The following COL4A5 variants were observed in gnomAD, a reference collection of about 807,000 sequenced individuals.
The protein encoded by COL4A5 is collagen alpha-5(IV) chain.
In COL4A5, 26 loss-of-function variants were observed where a neutral mutation model predicts 130.2. The ratio of observed to expected loss-of-function variants is 0.20; its 90% confidence interval spans 0.15 to 0.28. COL4A5 has a LOEUF of 0.28. Ranked by LOEUF, COL4A5 falls within the 10% of genes least tolerant of loss-of-function variation. The pLI is 1.00. For synonymous variants in COL4A5, 496 were observed against 439.6 expected (o/e 1.13, Z -1.60); for missense variants, 1,131 against 1,344.3 (o/e 0.84, Z 2.48).
intron 1 of COL4A5, among the ~76,000 whole-genome samples, chrX:108,454,091 T>G (rs191549356): frequency 8.9e-6 from 1 of 112,264 alleles, no homozygotes; most frequent in East Asian, 2.8e-4. Context: ...ACTGGTTTCT[T>G]CTATATAGTT....
intron 1 of COL4A5, among the ~76,000 whole-genome samples, chrX:108,490,816 A>G (rs1364016380): frequency 1.8e-5 from 2 of 110,251 alleles, no homozygotes; most frequent in African/African-American, 3.3e-5. Context: ...TCTGTTCTCA[A>G]GTAGACCCCA....
chrX:108,628,921 C>T (rs1008402873), intron 36 of COL4A5, among the ~76,000 whole-genome samples: 1 of 111,465 alleles, frequency 9.0e-6, no homozygotes, highest in Non-Finnish European at 1.9e-5. Context: ...ATACAATAAA[C>T]AAAATAAATA....
intron 2 of COL4A5, among the ~76,000 whole-genome samples, chrX:108,549,207 T>A (rs1258456479): frequency 1.8e-5 from 2 of 111,875 alleles, no homozygotes; most frequent in Non-Finnish European, 3.8e-5. Context: ...ACAATCATGG[T>A]TGTGATTCTA....
chrX:108,586,786 T>A, intron 19 of COL4A5, 39 bp downstream of exon 19: 1 of 1,174,297 alleles, frequency 8.5e-7, no homozygotes, highest in Non-Finnish European at 1.2e-6. Context: ...TCTTATAGCA[T>A]CCTTACTAAT....
At chrX:108,560,861 G>A (rs778041661) in intron 3 of COL4A5, among the ~76,000 whole-genome samples, 1 of 111,673 alleles carries the variant, frequency 9.0e-6, no homozygotes, top group African/African-American at 3.3e-5. Context: ...GTACTTGAGT[G>A]GAATTGAAAA....
At chrX:108,528,158 G>T (rs1348393539) in intron 1 of COL4A5, among the ~76,000 whole-genome samples, 1 of 111,926 alleles carries the variant, frequency 8.9e-6, no homozygotes, top group African/African-American at 3.2e-5. Context: ...TGCCACCACC[G>T]CAGCCTTAAG....
intron 25 of COL4A5, 78 bp from the exon 26 acceptor site, chrX:108,601,314 CT>C: frequency 1.5e-6 from 1 of 656,307 alleles, no homozygotes; most frequent in South Asian, 2.6e-5. Flanking sequence ...TGATAATTTT[CT>C]TTTTTGTTTT....
chrX:108,582,007 A>G (rs979268083), intron 16 of COL4A5, among the ~76,000 whole-genome samples: 6 of 110,701 alleles, frequency 5.4e-5, no homozygotes, highest in Non-Finnish European at 1.1e-4. Context: ...TTCAGTATCA[A>G]GAGTATCCGC....
At chrX:108,563,250 CAG>C (rs1213066071) in intron 3 of COL4A5, among the ~76,000 whole-genome samples, 1 of 111,101 alleles carries the variant, frequency 9.0e-6, no homozygotes, top group East Asian at 2.8e-4. Context: ...AACGAAAACT[CAG>C]TGAGGTAAGA....
At chrX:108,677,172 G>A (rs1025355641) in intron 43 of COL4A5, 1 of 119,110 alleles carries the variant, frequency 8.4e-6, no homozygotes, top group Non-Finnish European at 1.7e-5. Context: ...TACAGTTTCT[G>A]TTTAATTTAA....
chrX:108,665,502 T>C lies in COL4A5; in HGVS notation c.3374-5T>C, dbSNP rs1172867384. The C allele has an allele frequency of 1.7e-6, 2 of 1,195,867 alleles. No homozygotes were observed. Among genetic ancestry groups the C allele is most frequent in the African/African-American group, 3.5e-5 (2 of 56,999 alleles). On this transcript the variant is annotated splice_region_variant and splice_polypyrimidine_tract_variant and intron_variant, in intron 37 of 52. Coordinates refer to ENST00000328300, the MANE Select transcript of COL4A5 (RefSeq NM_033380.3). ...TTCATTTTTAAATTGAGCTCTTTAC[T>C]CTAGGAACCCCAGGCCCTCCTGGAC...
At chrX:108,442,353 CT>C (rs1222972900) in intron 1 of COL4A5, among the ~76,000 whole-genome samples, 5 of 111,089 alleles carry the variant, frequency 4.5e-5, no homozygotes, top group African/African-American at 9.8e-5. Flanking sequence ...TGTGGAAGAT[CT>C]TTTTTTTAGG....
At chrX:108,616,394 C>T (rs1446561494) in intron 30 of COL4A5, among the ~76,000 whole-genome samples, 1 of 110,250 alleles carries the variant, frequency 9.1e-6, no homozygotes, top group Non-Finnish European at 1.9e-5. Flanking sequence ...CACCACCACG[C>T]CCGGCTAATT....
At chrX:108,595,408 G>A in intron 21 of COL4A5, 101 bp from the exon 22 acceptor site, 1 of 685,879 alleles carries the variant, frequency 1.5e-6, no homozygotes, top group Non-Finnish European at 2.4e-6. Flanking sequence ...ACACCATTAA[G>A]TGGAAATGCT....
chrX:108,473,516 A>T (rs995466014), intron 1 of COL4A5, among the ~76,000 whole-genome samples: 1 of 103,932 alleles, frequency 9.6e-6, no homozygotes, highest in Non-Finnish European at 2.0e-5. Context: ...TTAGTTTTTA[A>T]CAAAAAGTTT....
chrX:108,578,130 A>G lies in COL4A5; in HGVS notation c.687+11A>G, dbSNP rs1215584037. Reference sequence around the variant, plus strand: ...CCCAAAGGTGAAAAAGTGAGTAAAGAAAGAGAGCTGGTTATTCAGCCCTCA... The same window carrying G: ...CCCAAAGGTGAAAAAGTGAGTAAAGGAAGAGAGCTGGTTATTCAGCCCTCA... On this transcript the variant is annotated intron_variant, in intron 12 of 52. Transcript: ENST00000328300. 8.3e-7 allele frequency: 1 copy of G among 1,206,314 alleles called. No homozygotes were observed. Among genetic ancestry groups the G allele is most frequent in the Non-Finnish European group, 1.1e-6 (1 of 892,111 alleles).
chrX:108,579,911 C>T (rs1274684686), intron 13 of COL4A5, among the ~76,000 whole-genome samples: 2 of 110,731 alleles, frequency 1.8e-5, no homozygotes, highest in Non-Finnish European at 3.8e-5. Context: ...TGTTATTTAC[C>T]TCAAATCTTG....
chrX:108,517,629 A>G (rs761368350), intron 1 of COL4A5, among the ~76,000 whole-genome samples: 21 of 111,422 alleles, frequency 1.9e-4, no homozygotes, highest in East Asian at 1.7e-3. Flanking sequence ...CATCATGTAG[A>G]GCTGAAGACT....
intron 30 of COL4A5, among the ~76,000 whole-genome samples, chrX:108,617,645 T>C (rs28531770): frequency 0.25 from 27,322 of 110,749 alleles, 2,819 homozygotes; most frequent in East Asian, 0.57. Context: ...CAGGCAGAAA[T>C]GGAGGTTGTT....
Sources: gnomAD v4.1 joint callset for allele counts (sites outside exome capture counted in the v4.1 genomes callset) on GRCh38, gnomAD v4.1.1 for gene constraint, MANE v1.5 for transcripts, NCBI Gene and HGNC (gene_info 2026-07-23, HGNC 2026-07-21) for gene names.